The following DLG2 variants were observed in gnomAD, a reference collection of about 807,000 sequenced individuals.
The protein encoded by DLG2 is discs large MAGUK scaffold protein 2, also known as disks large homolog 2.
DLG2 carries 45 observed loss-of-function variants against 132.5 expected under a neutral mutation model. The observed-to-expected ratio is 0.34, with a 90% CI of 0.27 to 0.44. The LOEUF (loss-of-function observed/expected upper bound fraction) is 0.44, where lower values mean the gene tolerates loss of function less well. DLG2 is among the 20% of genes least tolerant of loss of function. DLG2 has a pLI of 1.00. For missense variants in DLG2, 1,045 were observed against 1,196.9 expected (o/e 0.87, Z 1.87); for synonymous variants, 424 against 419.6 (o/e 1.01, Z -0.13).
chr11:84,048,336 T>C (rs2096281516), intron 11 of DLG2, among the ~76,000 whole-genome samples: 1 of 151,596 alleles, frequency 6.6e-6, no homozygotes, highest in Admixed American at 6.6e-5. Flanking sequence ...GTAAATTTCC[T>C]TGTGTACCCC....
At chr11:84,822,013 T>C (rs921807866) in intron 6 of DLG2, among the ~76,000 whole-genome samples, 3 of 151,872 alleles carry the variant, frequency 2.0e-5, no homozygotes, top group African/African-American at 7.2e-5. Context: ...TGATTAGATG[T>C]GCTACATACT....
rs928024265 is a variant in DLG2 at position 83,456,381 on chromosome 11, C to A, written c.*3437G>T. ...CTGGGCTGAGTAGGTGAAACGGCGA[C>A]CTAAAGTATTTGTGTCATTAGTCCA... On this transcript the variant is annotated 3_prime_UTR_variant, in exon 28 of 28. Coordinates refer to ENST00000376104, the MANE Select transcript of DLG2 (RefSeq NM_001142699.3). The A allele has an allele frequency of 1.3e-5, 2 of 152,684 alleles. No individual in the cohort carries two copies. Among genetic ancestry groups the A allele is most frequent in the African/African-American group, 4.8e-5 (2 of 41,428 alleles). The allele number at this position is 152,684 out of a possible 1,614,324, so 9.5% of individuals were successfully genotyped here.
Position 84,107,013 on chromosome 11 carries a change from T to TGTGAGAGAGA in DLG2, c.625-7967_625-7966insTCTCTCTCAC, listed in dbSNP as rs1555348732. Among the ~76,000 whole-genome samples the TGTGAGAGAGA allele has an allele frequency of 2.2e-3, 274 of 126,186 alleles. 4 individuals are homozygous for TGTGAGAGAGA. The highest frequency in any genetic ancestry group is 7.5e-3 in the African/African-American group (246 of 32,682). The allele number at this position is 126,186 out of a possible 152,430, so 82.8% of individuals were successfully genotyped here. A position where few individuals can be genotyped will look rare whatever the true frequency, so the allele number is the denominator to read the frequency against. On this transcript the variant is annotated intron_variant, in intron 9 of 27. Transcript: ENST00000376104. Reference sequence around the variant, plus strand: ...GTGTGTGTGTGTGTGTGTGTGTGTGTGAGAGAGTTTTAGCCTTAGGGGAGA... The same window carrying TGTGAGAGAGA: ...GTGTGTGTGTGTGTGTGTGTGTGTGTGTGAGAGAGAGAGAGAGTTTTAGCCTTAGGGGAGA...
intron 11 of DLG2, among the ~76,000 whole-genome samples, chr11:84,014,157 G>A (rs1479659704): frequency 6.6e-6 from 1 of 152,034 alleles, no homozygotes; most frequent in Non-Finnish European, 1.5e-5. Context: ...TGCTGTTGCT[G>A]TTGCTGTAAT....
chr11:85,016,231 T>G (rs560042467), intron 6 of DLG2, among the ~76,000 whole-genome samples: 1 of 152,226 alleles, frequency 6.6e-6, no homozygotes, highest in African/African-American at 2.4e-5. Context: ...ATTATCAGCC[T>G]CAGGTAGTAA....
In DLG2 at chr11:84,553,987, G is replaced by C. The variant is rs148686006; in HGVS notation, c.358-19256C>G. Among the ~76,000 whole-genome samples the C allele has an allele frequency of 3.2e-3, 493 of 152,264 alleles. 3 individuals are homozygous for C. The highest frequency in any genetic ancestry group is 0.012 in the African/African-American group (482 of 41,558). On this transcript the variant is annotated intron_variant, in intron 6 of 27. Transcript: ENST00000376104. ...TTTAGACTTTCACTTCTAGAGACTT[G>C]GCCAGGCTGATAAAGAAGAGTTAGT...
rs547758365 is a variant in DLG2, at chr11:85,082,539, G to A, written c.357+29122C>T. On this transcript the variant is annotated intron_variant, in intron 6 of 27. Transcript: ENST00000376104. ...AAAAAGCAGAAGACCCTAAAAAGAGGTAAGTTGCACCTTTATATGAGTTCT... is the reference window on the plus strand; with the variant it reads ...AAAAAGCAGAAGACCCTAAAAAGAGATAAGTTGCACCTTTATATGAGTTCT... Among the ~76,000 whole-genome samples, 8 of 152,118 alleles carry A rather than the reference G, an allele frequency of 5.3e-5. No individual in the cohort carries two copies. In the East Asian group the frequency reaches 1.4e-3, roughly 26 times the overall value.
At chr11:84,898,374 T>C (rs1376771937) in intron 6 of DLG2, among the ~76,000 whole-genome samples, 1 of 151,966 alleles carries the variant, frequency 6.6e-6, no homozygotes, top group African/African-American at 2.4e-5. Flanking sequence ...TTATAAACCA[T>C]GCTTTTTTCG....
chr11:84,345,719 A>G (rs2098536596), intron 7 of DLG2, among the ~76,000 whole-genome samples: 1 of 152,030 alleles, frequency 6.6e-6, no homozygotes, highest in Non-Finnish European at 1.5e-5. Context: ...GTGAGGCTTC[A>G]TGGTATAGAG....
intron 9 of DLG2, among the ~76,000 whole-genome samples, chr11:84,140,666 A>G (rs61897656): frequency 0.24 from 37,240 of 152,042 alleles, 5,672 homozygotes; most frequent in Middle Eastern, 0.34. Context: ...TTTCCCAAAC[A>G]TTAAGGAATA....
At chr11:84,268,753 G>A (rs184827619) in intron 7 of DLG2, among the ~76,000 whole-genome samples, 259 of 152,134 alleles carry the variant, frequency 1.7e-3, no homozygotes, top group African/African-American at 5.4e-3. Context: ...GAGCCACCGC[G>A]CCCGGCCCAT....
intron 2 of DLG2, among the ~76,000 whole-genome samples, chr11:85,611,009 C>T (rs2080960326): frequency 6.6e-6 from 1 of 152,198 alleles, no homozygotes; most frequent in Non-Finnish European, 1.5e-5. Flanking sequence ...CCTTCAAAAC[C>T]TTAAAGCGGG....
chr11:84,891,142 A>G (rs2089315559), intron 6 of DLG2, among the ~76,000 whole-genome samples: 1 of 152,158 alleles, frequency 6.6e-6, no homozygotes, highest in Non-Finnish European at 1.5e-5. Context: ...TTGGCATCCT[A>G]CCTGTACTTT....
At chr11:85,220,890 A>C (rs1475831296) in intron 4 of DLG2, among the ~76,000 whole-genome samples, 1 of 152,020 alleles carries the variant, frequency 6.6e-6, no homozygotes, top group Non-Finnish European at 1.5e-5. Context: ...TGTCTTGGCA[A>C]AATAACTATC....
At chr11:83,670,235 G>C (rs1045907613) in intron 18 of DLG2, among the ~76,000 whole-genome samples, 2 of 152,084 alleles carry the variant, frequency 1.3e-5, no homozygotes, top group Non-Finnish European at 2.9e-5. Context: ...TCATTTCCAG[G>C]CTTCTTCTAC....
chr11:84,478,784 C>T (rs1437673335), intron 7 of DLG2, among the ~76,000 whole-genome samples: 2 of 151,880 alleles, frequency 1.3e-5, no homozygotes, highest in Non-Finnish European at 2.9e-5. Flanking sequence ...GAGATTAAGG[C>T]CTGTCAGCTA....
chr11:85,432,973 G>T (rs1240761999), intron 3 of DLG2, among the ~76,000 whole-genome samples: 2 of 152,178 alleles, frequency 1.3e-5, no homozygotes, highest in African/African-American at 4.8e-5. Context: ...AGATTTCTCA[G>T]CAGAAACCCT....
At chr11:83,758,500 A>G (rs1355805362) in intron 18 of DLG2, among the ~76,000 whole-genome samples, 3 of 152,302 alleles carry the variant, frequency 2.0e-5, no homozygotes, top group Middle Eastern at 3.4e-3. Context: ...TGCATAGTAC[A>G]GCATAAATGA....
At chr11:84,063,064 C>T (rs751979373) in intron 10 of DLG2, among the ~76,000 whole-genome samples, 4 of 151,966 alleles carry the variant, frequency 2.6e-5, no homozygotes, top group African/African-American at 7.3e-5. Flanking sequence ...TTTATGAAGC[C>T]GTGAGTTCAA....
Sources: allele counts gnomAD v4.1 joint callset (sites outside exome capture counted in the v4.1 genomes callset), GRCh38; gene constraint gnomAD v4.1.1; transcripts MANE v1.5; gene names NCBI Gene and HGNC (gene_info 2026-07-23, HGNC 2026-07-21).